The following ARMH3 variants were observed in gnomAD, a reference collection of about 807,000 sequenced individuals.
ARMH3 encodes armadillo like helical domain containing 3, also known as armadillo-like helical domain-containing protein 3.
Under a neutral mutation model 99.1 loss-of-function variants are expected in ARMH3, and 60 were observed. The ratio of observed to expected loss-of-function variants is 0.61; its 90% CI spans 0.49 to 0.75. The LOEUF (loss-of-function observed/expected upper bound fraction) is 0.75. Among genes scored for constraint, ARMH3 ranks in the 30% least tolerant of loss-of-function variants. The probability of loss-of-function intolerance (pLI) is 0.00; values close to 1 mark genes in which losing one functional copy is unlikely to be tolerated. For missense variants in ARMH3, 679 were observed against 843.1 expected (o/e 0.81, Z 2.41); for synonymous variants, 285 against 292.8 (o/e 0.97, Z 0.27).
At position 101,904,213 on chromosome 10, in the gene ARMH3, C is replaced by G. The variant is rs558516655; in HGVS notation, c.1782-14723G>C. Reference sequence around the variant, plus strand: ...ATTAATAATATACATTTGGGAAGGTCCTCAGTGAGAAACACAGAAGAGAAC... The same window carrying G: ...ATTAATAATATACATTTGGGAAGGTGCTCAGTGAGAAACACAGAAGAGAAC... On this transcript the variant is annotated intron_variant, in intron 23 of 25. Coordinates refer to ENST00000370033, the MANE Select transcript of ARMH3 (RefSeq NM_024541.3). Among the ~76,000 whole-genome samples, 3 of 152,286 alleles carry G rather than the reference C, an allele frequency of 2.0e-5. No homozygotes were observed. The South Asian group carries it at 6.2e-4, about 32-fold the overall frequency.
intron 23 of ARMH3, among the ~76,000 whole-genome samples, chr10:101,890,271 T>A (rs937366154): frequency 2.0e-5 from 3 of 151,598 alleles, no homozygotes; most frequent in African/African-American, 7.3e-5. Context: ...TTAGACAGGG[T>A]GTCACTCTGT....
At chr10:101,916,127 T>C (rs1843078050) in intron 23 of ARMH3, among the ~76,000 whole-genome samples, 1 of 151,966 alleles carries the variant, frequency 6.6e-6, no homozygotes, top group African/African-American at 2.4e-5. Flanking sequence ...TAATACACAG[T>C]TCAACAGTAG....
chr10:101,921,182 G>C (rs1403991309), intron 23 of ARMH3, among the ~76,000 whole-genome samples: 2 of 152,148 alleles, frequency 1.3e-5, no homozygotes, highest in Admixed American at 6.5e-5. Context: ...TTGAACTACT[G>C]ATATATACCA....
intron 5 of ARMH3, chr10:102,029,345 T>C (rs2067071232): frequency 9.1e-7 from 1 of 1,093,070 alleles, no homozygotes; most frequent in Non-Finnish European, 1.3e-6. Context: ...TTATATTTTA[T>C]TTAAATTCAT....
At chr10:102,046,928 C>T (rs79764093) in intron 1 of ARMH3, among the ~76,000 whole-genome samples, 2 of 152,254 alleles carry the variant, frequency 1.3e-5, no homozygotes, top group African/African-American at 4.8e-5. Flanking sequence ...TGAGTAGCCA[C>T]CACTCTAGTT....
At chr10:101,933,014 G>A (rs1221974005) in intron 23 of ARMH3, among the ~76,000 whole-genome samples, 9 of 152,008 alleles carry the variant, frequency 5.9e-5, no homozygotes, top group African/African-American at 1.9e-4. Context: ...GTGAAACCCC[G>A]TCTCTACTAA....
intron 2 of ARMH3, among the ~76,000 whole-genome samples, chr10:102,036,576 C>T (rs1382611700): frequency 1.3e-5 from 2 of 152,088 alleles, no homozygotes; most frequent in Admixed American, 6.6e-5. Flanking sequence ...GACCTTGCCC[C>T]CAGCCCTGTG....
intron 20 of ARMH3, among the ~76,000 whole-genome samples, chr10:101,967,432 C>G (rs1845585601): frequency 6.6e-6 from 1 of 152,090 alleles, no homozygotes; most frequent in Non-Finnish European, 1.5e-5. Flanking sequence ...CCAACACCTG[C>G]CAGTAGAATA....
chr10:102,006,436 GA>G (rs751472100), intron 14 of ARMH3, 103 bp downstream of exon 14: 36 of 1,324,914 alleles, frequency 2.7e-5, no homozygotes, highest in Non-Finnish European at 3.5e-5. Flanking sequence ...AATTTAGTGG[GA>G]AAAATTAACA....
chr10:101,990,233 G>C (rs1241530402), intron 19 of ARMH3, among the ~76,000 whole-genome samples: 1 of 148,422 alleles, frequency 6.7e-6, no homozygotes, highest in Non-Finnish European at 1.5e-5. Context: ...GCCCAGGCTG[G>C]AGTGCAGTGG....
intron 23 of ARMH3, among the ~76,000 whole-genome samples, chr10:101,924,035 G>C (rs1434475501): frequency 6.6e-6 from 1 of 152,148 alleles, no homozygotes; most frequent in Non-Finnish European, 1.5e-5. Flanking sequence ...ATCAGTAGCA[G>C]AGTCAGGAAT....
intron 17 of ARMH3, 30 bp from the exon 18 acceptor site, chr10:101,992,068 T>C (rs1475735561): frequency 1.3e-6 from 2 of 1,583,602 alleles, no homozygotes; most frequent in African/African-American, 2.7e-5. Flanking sequence ...AGAAAGGAAA[T>C]TAGTAGACAC....
intron 1 of ARMH3, among the ~76,000 whole-genome samples, chr10:102,041,088 A>ATG (rs1432629777): frequency 7.5e-6 from 1 of 133,066 alleles, no homozygotes; most frequent in Non-Finnish European, 1.6e-5. Context: ...ATATATATAT[A>ATG]TAATATATAT....
Position 101,966,892 on chromosome 10 carries a change from G to T in ARMH3, c.1495+8320C>A, listed in dbSNP as rs927319073. On this transcript the variant is annotated intron_variant, in intron 20 of 25. Transcript: ENST00000370033. ...AAGACACAATTAAGTGGTAGCTCAG[G>T]CCTCTGCCTCAAAAAAGGAGAGGGG... 3.0e-4 allele frequency among the ~76,000 whole-genome samples: 45 copies of T among 152,226 alleles called. 1 individual carries two copies. The highest frequency in any genetic ancestry group is 1.8e-3 in the Admixed American group (28 of 15,286).
chr10:101,892,664 C>T (rs970822343), intron 23 of ARMH3, among the ~76,000 whole-genome samples: 1 of 152,070 alleles, frequency 6.6e-6, no homozygotes, highest in African/African-American at 2.4e-5. Context: ...TGGGAATAGT[C>T]TATTGCAGCC....
chr10:101,899,752 C>G (rs928842849), intron 23 of ARMH3, among the ~76,000 whole-genome samples: 21 of 152,292 alleles, frequency 1.4e-4, no homozygotes, highest in African/African-American at 4.6e-4. Context: ...TAACTTACCC[C>G]CTAAGGTTTA....
intron 2 of ARMH3, among the ~76,000 whole-genome samples, chr10:102,037,214 C>A (rs2067299142): frequency 7.3e-6 from 1 of 137,858 alleles, no homozygotes; most frequent in South Asian, 2.2e-4. Flanking sequence ...TGGATTCTTG[C>A]TCTGTCACCC....
chr10:101,851,238 G>A (rs2066593430), intron 24 of ARMH3, among the ~76,000 whole-genome samples: 1 of 152,152 alleles, frequency 6.6e-6, no homozygotes, highest in South Asian at 2.1e-4. Context: ...CAGAAAGAAG[G>A]GACTGTTCAT....
intron 24 of ARMH3, among the ~76,000 whole-genome samples, chr10:101,856,114 C>A (rs1221595501): frequency 6.6e-6 from 1 of 152,088 alleles, no homozygotes; most frequent in Non-Finnish European, 1.5e-5. Flanking sequence ...TTGTGGAGAG[C>A]TAAGAAAGTA....
Sources: gnomAD v4.1 joint callset for allele counts (sites outside exome capture counted in the v4.1 genomes callset) on GRCh38, gnomAD v4.1.1 for gene constraint, MANE v1.5 for transcripts, NCBI Gene and HGNC (gene_info 2026-07-23, HGNC 2026-07-21) for gene names.